The following PTPN4 variants were observed in gnomAD, a reference collection of about 807,000 sequenced individuals.
PTPN4 encodes protein tyrosine phosphatase non-receptor type 4, also known as tyrosine-protein phosphatase non-receptor type 4.
In PTPN4, 49 loss-of-function variants were observed where a neutral mutation model predicts 135.5. That is an observed-to-expected ratio of 0.36 (90% CI 0.29 to 0.46). PTPN4 has a LOEUF of 0.46. Among genes scored for constraint, PTPN4 ranks in the 20% least tolerant of loss-of-function variants. PTPN4 has a pLI of 1.00. For missense variants in PTPN4, 860 were observed against 1,101.0 expected, an observed-to-expected ratio of 0.78 and a Z score of 3.10; for synonymous variants, 333 against 369.9, an observed-to-expected ratio of 0.90 and a Z score of 1.14.
chr2:119,870,187 C>T (rs541690539), intron 3 of PTPN4, among the ~76,000 whole-genome samples: 102 of 152,216 alleles, frequency 6.7e-4, no homozygotes, highest in Non-Finnish European at 9.6e-4. Context: ...ACATCAGTAC[C>T]TTTTTATATA....
intron 10 of PTPN4, among the ~76,000 whole-genome samples, chr2:119,907,972 C>T (rs3106243): frequency 0.026 from 3,963 of 152,100 alleles, 173 homozygotes; most frequent in African/African-American, 0.088. Context: ...GAGAGTTACA[C>T]GTAAGACCTG....
At chr2:119,768,850 A>C (rs1222542696) in intron 1 of PTPN4, among the ~76,000 whole-genome samples, 1 of 152,142 alleles carries the variant, frequency 6.6e-6, no homozygotes, top group East Asian at 1.9e-4. Flanking sequence ...TGCTATTCCC[A>C]GTTTTAAAAG....
At chr2:119,887,207 G>A (rs184309612) in intron 9 of PTPN4, among the ~76,000 whole-genome samples, 1 of 152,132 alleles carries the variant, frequency 6.6e-6, no homozygotes, top group African/African-American at 2.4e-5. Context: ...AATAAAAAGG[G>A]GCTGGGCATA....
At chr2:119,845,680 G>A (rs115042653) in intron 2 of PTPN4, among the ~76,000 whole-genome samples, 42 of 152,068 alleles carry the variant, frequency 2.8e-4, no homozygotes, top group African/African-American at 9.9e-4. Flanking sequence ...TTTCGGTTCT[G>A]TTGATTTTCT....
chr2:119,920,256 T>C lies in PTPN4; in HGVS notation c.1001+15T>C. The C allele has an allele frequency of 6.3e-7, 1 of 1,589,914 alleles. No individual in the cohort carries two copies. The highest frequency in any genetic ancestry group is 8.6e-7 in the Non-Finnish European group (1 of 1,162,842). ...TTCCGGTACTGGTAAGTATTGCTTCTGTGTTAAGGCTTTATTGTTGGATTT... is the reference window on the plus strand; with the variant it reads ...TTCCGGTACTGGTAAGTATTGCTTCCGTGTTAAGGCTTTATTGTTGGATTT... On this transcript the variant is annotated intron_variant, in intron 12 of 26. Coordinates refer to ENST00000263708, the MANE Select transcript of PTPN4 (RefSeq NM_002830.4).
chr2:119,939,595 G>T (rs533327513), intron 15 of PTPN4, among the ~76,000 whole-genome samples: 8 of 152,106 alleles, frequency 5.3e-5, no homozygotes, highest in Admixed American at 5.2e-4. Context: ...GTGAGCCACC[G>T]TGCCTGGCCA....
intron 1 of PTPN4, among the ~76,000 whole-genome samples, chr2:119,788,837 T>A (rs142568448): frequency 7.1e-4 from 108 of 152,324 alleles, no homozygotes; most frequent in Non-Finnish European, 1.4e-3. Context: ...GACACTTGGT[T>A]TGTTTTCATC....
At chr2:119,806,786 C>T (rs886200893) in intron 1 of PTPN4, among the ~76,000 whole-genome samples, 1 of 152,270 alleles carries the variant, frequency 6.6e-6, no homozygotes, top group African/African-American at 2.4e-5. Flanking sequence ...CTTCTCAGCA[C>T]CACATCACAC....
intron 1 of PTPN4, among the ~76,000 whole-genome samples, chr2:119,799,943 A>C (rs1157312813): frequency 6.6e-6 from 1 of 152,202 alleles, no homozygotes; most frequent in African/African-American, 2.4e-5. Context: ...ACCATTATGA[A>C]AGTAATTTTA....
chr2:119,877,559 AT>A lies in PTPN4; in HGVS notation c.368+22del. ...ATATACAAGGTGGGTTTATGGATAT[AT>A]TTTTCTTGAAAATATTGTCAAAACT... is the stretch of plus-strand genomic sequence containing the variant. On this transcript the variant is annotated intron_variant, in intron 5 of 26. Transcript: ENST00000263708. The A allele has an allele frequency of 6.4e-7, 1 of 1,563,522 alleles. No individual in the cohort carries two copies. The highest frequency in any genetic ancestry group is 8.6e-7 in the Non-Finnish European group (1 of 1,162,250).
At position 119,941,679 on chromosome 2, in the gene PTPN4, A is replaced by G. The variant is rs148958113; in HGVS notation, c.1356-3402A>G. ...GCAGGTAGCTCTGTCCTGAAATCCA[A>G]AGTTTTACTGTCCTTTCGTCTTCAT... On this transcript the variant is annotated intron_variant, in intron 15 of 26. Coordinates refer to ENST00000263708, the MANE Select transcript of PTPN4 (RefSeq NM_002830.4). Among the ~76,000 whole-genome samples, 40 of 152,256 alleles carry G rather than the reference A, an allele frequency of 2.6e-4. No homozygotes were observed. The East Asian group carries it at 6.8e-3, about 26-fold the overall frequency.
At chr2:119,879,570 A>C (rs1335458878) in intron 5 of PTPN4, among the ~76,000 whole-genome samples, 1 of 152,242 alleles carries the variant, frequency 6.6e-6, no homozygotes, top group Non-Finnish European at 1.5e-5. Flanking sequence ...ACATCCCTAG[A>C]TAATTCTGAT....
chr2:119,771,827 A>G (rs1014431489), intron 1 of PTPN4, among the ~76,000 whole-genome samples: 3 of 152,186 alleles, frequency 2.0e-5, no homozygotes, highest in Non-Finnish European at 1.5e-5. Flanking sequence ...TTATAAGTCC[A>G]TTATGCCTTG....
intron 9 of PTPN4, among the ~76,000 whole-genome samples, chr2:119,893,625 G>T (rs965215615): frequency 6.6e-6 from 1 of 152,126 alleles, no homozygotes; most frequent in East Asian, 1.9e-4. Flanking sequence ...CTCAAAGTTA[G>T]AACACTTCAA....
chr2:119,801,340 G>A (rs967559178), intron 1 of PTPN4, among the ~76,000 whole-genome samples: 2 of 152,090 alleles, frequency 1.3e-5, no homozygotes, highest in Non-Finnish European at 2.9e-5. Flanking sequence ...TGCCTGCCTA[G>A]GCCTCCCAAA....
Position 119,962,722 on chromosome 2 carries a change from A to G in PTPN4, c.2387A>G (p.Lys796Arg), listed in dbSNP as rs754962291. ...EEGNTAYIFR[K>R]MTLFNQEKNE... ...GGAAACACTGCCTATATCTTCAGGAAGATGACCCTATTTAACCAAGAGGTA... is the reference window on the plus strand; with the variant it reads ...GGAAACACTGCCTATATCTTCAGGAGGATGACCCTATTTAACCAAGAGGTA... The change falls in exon 24 of 27, where the codon AAG (lysine) becomes AGG (arginine). Residue 796 changes from lysine to arginine, a missense_variant. Lys to Arg is a conservative substitution (Grantham distance 26). This residue lies in a region of PTPN4 where 176 missense variants were observed against 294.1 expected (regional missense o/e 0.60). Coordinates refer to ENST00000263708, the MANE Select transcript of PTPN4 (RefSeq NM_002830.4). 2.8e-5 allele frequency: 44 copies of G among 1,585,020 alleles called. No homozygotes were observed. The East Asian group carries it at 5.4e-4, about 20-fold the overall frequency.
chr2:119,946,528 A>T lies in PTPN4; in HGVS notation c.1610A>T (p.Asp537Val). Residue 537 changes from aspartate to valine, a missense_variant, in exon 18 of 27, where the codon GAT becomes GTT. Asp to Val is a radical substitution (Grantham distance 152, BLOSUM62 -3). Transcript: ENST00000263708. ...TATTCTCTTTTTAAGGGAGGATATG[A>T]TCAGAAGATGCCTGTGATTGTGTCT... ...RFGFNVKGGY[D>V]QKMPVIVSRV... The T allele has an allele frequency of 6.2e-7, 1 of 1,609,514 alleles. No homozygotes were observed. Among genetic ancestry groups the T allele is most frequent in the Non-Finnish European group, 8.5e-7 (1 of 1,177,356 alleles).
intron 12 of PTPN4, among the ~76,000 whole-genome samples, chr2:119,926,306 C>T (rs1472115637): frequency 1.3e-5 from 2 of 152,100 alleles, no homozygotes; most frequent in Non-Finnish European, 2.9e-5. Context: ...GTGCCAAAAC[C>T]CCACCATTTT....
intron 3 of PTPN4, among the ~76,000 whole-genome samples, chr2:119,866,512 A>G (rs947602316): frequency 1.3e-5 from 2 of 152,114 alleles, no homozygotes; most frequent in South Asian, 2.1e-4. Context: ...CAGAAGGTCT[A>G]CTTTGGAACT....
Sources: allele counts gnomAD v4.1 joint callset (sites outside exome capture counted in the v4.1 genomes callset), GRCh38; gene constraint gnomAD v4.1.1; regional missense constraint gnomAD v4.1.1; transcripts MANE v1.5; gene names NCBI Gene and HGNC (gene_info 2026-07-23, HGNC 2026-07-21).